Variants in COL18A1 observed in about 807,000 individuals in gnomAD.
COL18A1 encodes collagen type XVIII alpha 1 chain.
Under a neutral mutation model 168.0 loss-of-function variants are expected in COL18A1, and 133 were observed. That is an observed-to-expected ratio of 0.79 (90% CI 0.69 to 0.91). The LOEUF is 0.91. Among genes scored for constraint, COL18A1 ranks in the 40% least tolerant of loss-of-function variants. The pLI, the probability that COL18A1 is intolerant of heterozygous loss-of-function variation, is 0.00. For missense variants in COL18A1, 2,126 were observed against 1,925.4 expected (o/e 1.10, Z -1.95); for synonymous variants, 949 against 809.0 (o/e 1.17, Z -2.94).
intron 2 of COL18A1, among the ~76,000 whole-genome samples, chr21:45,450,128 C>G (rs1018324848): frequency 2.0e-5 from 3 of 152,160 alleles, no homozygotes; most frequent in African/African-American, 7.2e-5. Flanking sequence ...GGTTTCGCTC[C>G]CTGGAATCTC....
chr21:45,502,593 T>C (rs1056885856), intron 32 of COL18A1: 1 of 152,214 alleles, frequency 6.6e-6, no homozygotes, highest in Non-Finnish European at 1.5e-5. Context: ...GTTAATTCTT[T>C]GCAAAGGCGA....
In COL18A1 at chr21:45,486,875, C is replaced by T; in HGVS notation, c.1716C>T (p.Ala572=). Residue 572 remains alanine, a synonymous_variant, in exon 16 of 42, where the codon GCC becomes GCT. Coordinates refer to ENST00000651438, the MANE Select transcript of COL18A1 (RefSeq NM_001379500.1). ...GAPGHKGSKG[A]PGPAGARGES... ...ACCCCACGCAGGGGAGCAAGGGAGCCCCCGGTCCTGCTGGTGCTCGTGGGG... is the reference window on the plus strand; with the variant it reads ...ACCCCACGCAGGGGAGCAAGGGAGCTCCCGGTCCTGCTGGTGCTCGTGGGG... The T allele has an allele frequency of 6.5e-7, 1 of 1,528,514 alleles. No homozygotes were observed. The highest frequency in any genetic ancestry group is 8.8e-7 in the Non-Finnish European group (1 of 1,138,394). 94.7% of individuals were successfully genotyped at this position (1,528,514 alleles called of 1,614,324 possible). A position where few individuals can be genotyped will look rare whatever the true frequency, so the allele number is the denominator to read the frequency against.
chr21:45,409,612 G>A (rs2033227718), intron 2 of COL18A1, among the ~76,000 whole-genome samples: 1 of 152,206 alleles, frequency 6.6e-6, no homozygotes, highest in South Asian at 2.1e-4. Flanking sequence ...CCTGCACCAG[G>A]CGGTCATAGG....
At chr21:45,474,971 C>T (rs1007765634) in intron 4 of COL18A1, among the ~76,000 whole-genome samples, 7 of 152,156 alleles carry the variant, frequency 4.6e-5, no homozygotes, top group African/African-American at 7.2e-5. Flanking sequence ...TGCGGGGGGT[C>T]GCCGAGGCGC....
chr21:45,451,316 C>T lies in COL18A1; in HGVS notation c.107-16926C>T, dbSNP rs552249950. Among the ~76,000 whole-genome samples, 41 of 152,360 alleles carry T rather than the reference C, an allele frequency of 2.7e-4. No individual in the cohort carries two copies. The South Asian group carries it at 8.5e-3, about 32-fold the overall frequency. Reference sequence around the variant, plus strand: ...TCAACCCAAGGTCAAACTCCACACGCACTGGGACAGGCTGTGATGATGTGC... The same window carrying T: ...TCAACCCAAGGTCAAACTCCACACGTACTGGGACAGGCTGTGATGATGTGC... On this transcript the variant is annotated intron_variant, in intron 2 of 41. Coordinates refer to ENST00000651438, the MANE Select transcript of COL18A1 (RefSeq NM_001379500.1).
At chr21:45,454,636 C>A (rs2034736723) in intron 2 of COL18A1, among the ~76,000 whole-genome samples, 1 of 152,192 alleles carries the variant, frequency 6.6e-6, no homozygotes, top group African/African-American at 2.4e-5. Context: ...GTGAAATGGG[C>A]CGATGGCCAG....
intron 2 of COL18A1, among the ~76,000 whole-genome samples, chr21:45,418,768 G>GCGGCACCTCCTCA (rs1486928429): frequency 2.0e-5 from 3 of 150,802 alleles, no homozygotes; most frequent in Admixed American, 6.6e-5. Flanking sequence ...GGGCCTCCAA[G>GCGGCACCTCCTCA]GCTGTCTCTG....
At chr21:45,446,620 G>A (rs2034510735) in intron 2 of COL18A1, among the ~76,000 whole-genome samples, 1 of 152,170 alleles carries the variant, frequency 6.6e-6, no homozygotes, top group Non-Finnish European at 1.5e-5. Context: ...CAAAAGACTA[G>A]GAGAGTGGGA....
intron 2 of COL18A1, among the ~76,000 whole-genome samples, chr21:45,417,771 C>T (rs1346876750): frequency 6.6e-6 from 1 of 152,188 alleles, no homozygotes; most frequent in African/African-American, 2.4e-5. Flanking sequence ...AGAGCTGGGC[C>T]CTCCATCCTG....
At chr21:45,482,920 AG>A in intron 15 of COL18A1, 99 bp downstream of exon 15, 1 of 1,558,544 alleles carries the variant, frequency 6.4e-7, no homozygotes, top group Non-Finnish European at 8.8e-7. Flanking sequence ...CGAGAGAGTG[AG>A]CTCTCTTGGG....
chr21:45,480,110 A>C lies in COL18A1; in HGVS notation c.1352A>C (p.Gln451Pro). ...GVGERGPPGP[Q>P]GPPGPPGPSF... The stretch of plus-strand genomic sequence containing the variant: ...GGAGAGAGAGGGCCCCCAGGACCCC[A>C]AGGGCCTCCAGGGCCCCCAGGACCC... Residue 451 changes from glutamine (Q) to proline (P), a missense_variant, in exon 11 of 42, where the codon CAA (glutamine) becomes CCA (proline). By Grantham distance (76) the Gln-to-Pro change is moderately conservative. Transcript: ENST00000651438. The C allele has an allele frequency of 2.5e-6, 4 of 1,603,470 alleles. No individual in the cohort carries two copies. Among genetic ancestry groups the C allele is most frequent in the Non-Finnish European group, 3.4e-6 (4 of 1,170,734 alleles).
Position 45,483,124 on chromosome 21 carries a change from G to A in COL18A1, c.1701+303G>A, listed in dbSNP as rs551635634. 1.6e-3 allele frequency among the ~76,000 whole-genome samples: 245 copies of A among 152,376 alleles called. 1 individual carries two copies. Among genetic ancestry groups the A allele is most frequent in the African/African-American group, 5.7e-3 (239 of 41,596 alleles). ...CTGAGCTCATCTGGAAACAAGCTCC[G>A]TGTGGCAAGCGCGATAAAGCAGCTC... On this transcript the variant is annotated intron_variant, in intron 15 of 41. Coordinates refer to ENST00000651438, the MANE Select transcript of COL18A1 (RefSeq NM_001379500.1).
At chr21:45,469,970 G>A (rs546951003) in intron 3 of COL18A1, among the ~76,000 whole-genome samples, 1 of 152,302 alleles carries the variant, frequency 6.6e-6, no homozygotes, top group East Asian at 1.9e-4. Context: ...CCCCTCCAGT[G>A]AGAGGCAATT....
chr21:45,469,067 A>G (rs2035319317), intron 3 of COL18A1, among the ~76,000 whole-genome samples: 1 of 152,084 alleles, frequency 6.6e-6, no homozygotes, highest in African/African-American at 2.4e-5. Flanking sequence ...CTGGGCTTCC[A>G]TGGTTTCTCT....
Position 45,507,625 on chromosome 21 carries a change from G to T in COL18A1, c.3249+32G>T, listed in dbSNP as rs754914171. 5.6e-6 allele frequency: 9 copies of T among 1,608,340 alleles called. No homozygotes were observed. The African/African-American group carries it at 1.1e-4, about 19-fold the overall frequency. ...AGCCTTTTTTCTGTTGAGACTGGTGGGTGGTCAGGACATGAGGGGGTATGT... is the reference window on the plus strand; with the variant it reads ...AGCCTTTTTTCTGTTGAGACTGGTGTGTGGTCAGGACATGAGGGGGTATGT... On this transcript the variant is annotated intron_variant, in intron 38 of 41. Coordinates refer to ENST00000651438, the MANE Select transcript of COL18A1 (RefSeq NM_001379500.1).
Position 45,511,044 on chromosome 21 carries a change from CCA to C in COL18A1, c.3694-64_3694-63del, listed in dbSNP as rs199597738. ...CCACACCCCACATCCACACACCCCC[CCA>C]CAAACACCCACACCCATCCACACCC... On this transcript the variant is annotated intron_variant, in intron 40 of 41. Transcript: ENST00000651438. The C allele has an allele frequency of 6.4e-4, 281 of 441,094 alleles. 7 individuals are homozygous for C. The highest frequency in any genetic ancestry group is 8.7e-4 in the East Asian group (14 of 16,146). The allele number at this position is 441,094 out of a possible 1,614,324, so 27.3% of individuals were successfully genotyped here.
chr21:45,453,146 A>C (rs576418286), intron 2 of COL18A1, among the ~76,000 whole-genome samples: 1 of 151,554 alleles, frequency 6.6e-6, no homozygotes, highest in Non-Finnish European at 1.5e-5. Flanking sequence ...GAGTATTCAC[A>C]TGTGACATGT....
intron 14 of COL18A1, 139 bp from the exon 15 acceptor site, chr21:45,482,656 C>T (rs1648590760): frequency 3.1e-6 from 4 of 1,293,048 alleles, no homozygotes; most frequent in Non-Finnish European, 4.4e-6. Context: ...GCGGCAACAG[C>T]CTCAGAAACT....
intron 9 of COL18A1, 87 bp from the exon 10 acceptor site, chr21:45,479,815 C>A: frequency 6.3e-7 from 1 of 1,578,772 alleles, no homozygotes; most frequent in Non-Finnish European, 8.6e-7. Context: ...CCCGTCCGTC[C>A]CCTGCTTGGG....
Sources: gnomAD v4.1 joint callset for allele counts (sites outside exome capture counted in the v4.1 genomes callset) on GRCh38, gnomAD v4.1.1 for gene constraint, MANE v1.5 for transcripts, NCBI Gene and HGNC (gene_info 2026-07-23, HGNC 2026-07-21) for gene names.